The following SPATA17 variants were observed in gnomAD, a reference collection of about 807,000 sequenced individuals.
SPATA17 encodes spermatogenesis associated 17.
In SPATA17, 53 loss-of-function variants were observed where a neutral mutation model predicts 62.2. The observed-to-expected ratio is 0.85, with a 90% CI of 0.68 to 1.07. The LOEUF (loss-of-function observed/expected upper bound fraction) is 1.07. SPATA17 is among the 50% of genes least tolerant of loss of function. The pLI is 0.00. For missense variants in SPATA17, 466 were observed against 425.5 expected (o/e 1.10, Z -0.84); for synonymous variants, 146 against 146.8 (o/e 0.99, Z 0.04).
chr1:217,682,424 T>C (rs1671107918), intron 4 of SPATA17, among the ~76,000 whole-genome samples: 1 of 151,746 alleles, frequency 6.6e-6, no homozygotes, highest in Admixed American at 6.6e-5. Context: ...ATTATTTGAA[T>C]GTCAGCATTG....
At chr1:217,848,279 T>A (rs141432361) in intron 9 of SPATA17, among the ~76,000 whole-genome samples, 1 of 152,168 alleles carries the variant, frequency 6.6e-6, no homozygotes, top group Non-Finnish European at 1.5e-5. Context: ...CACTTTCAGC[T>A]CTTTCATCTT....
chr1:217,694,605 T>C (rs1459829439), intron 5 of SPATA17, among the ~76,000 whole-genome samples: 6 of 148,438 alleles, frequency 4.0e-5, no homozygotes, highest in Non-Finnish European at 7.5e-5. Flanking sequence ...CTTTACATTT[T>C]GGCATGATTT....
intron 3 of SPATA17, among the ~76,000 whole-genome samples, chr1:217,652,083 C>T (rs1670328420): frequency 6.6e-6 from 1 of 152,198 alleles, no homozygotes; most frequent in Non-Finnish European, 1.5e-5. Context: ...GTTGCACTCT[C>T]AAAGCATGGT....
intron 6 of SPATA17, among the ~76,000 whole-genome samples, chr1:217,744,086 A>G (rs926499095): frequency 5.3e-5 from 8 of 152,174 alleles, no homozygotes; most frequent in Admixed American, 1.3e-4. Flanking sequence ...GCCAAACAGT[A>G]TTATAGAGAC....
Position 217,871,503 on chromosome 1 carries a change from G to A in SPATA17, c.*4484G>A, listed in dbSNP as rs1044617523. On this transcript the variant is annotated 3_prime_UTR_variant, in exon 11 of 11. Transcript: ENST00000366933. ...ACTGAATTATATGAACCTATTTGAG[G>A]TAATGATGATGCCTGGGAAGGAGCA... The A allele has an allele frequency of 4.6e-5, 7 of 152,168 alleles. No homozygotes were observed. The East Asian group carries it at 1.4e-3, about 29-fold the overall frequency. The allele number at this position is 152,168 out of a possible 1,614,324, so 9.4% of individuals were successfully genotyped here.
intron 5 of SPATA17, among the ~76,000 whole-genome samples, chr1:217,738,327 A>C (rs1432843622): frequency 6.6e-6 from 1 of 152,184 alleles, no homozygotes; most frequent in Non-Finnish European, 1.5e-5. Context: ...TTCATTCCAC[A>C]AAGTGCACTC....
At chr1:217,688,423 TG>T (rs1671272498) in intron 5 of SPATA17, among the ~76,000 whole-genome samples, 1 of 152,226 alleles carries the variant, frequency 6.6e-6, no homozygotes, top group African/African-American at 2.4e-5. Flanking sequence ...TCTTTTCTTT[TG>T]GTTTTGCCAT....
Position 217,735,338 on chromosome 1 carries a change from TCTC to T in SPATA17, c.396-6634_396-6632del, listed in dbSNP as rs556395709. Among the ~76,000 whole-genome samples, 15 of 152,174 alleles carry T rather than the reference TCTC, an allele frequency of 9.9e-5. No individual in the cohort carries two copies. In the East Asian group the frequency reaches 2.9e-3, roughly 29 times the overall value. On this transcript the variant is annotated intron_variant, in intron 5 of 10. Transcript: ENST00000366933. ...CTTCTTTGTTTGCAGGCAGTTAACT[TCTC>T]CTTGTGTCCTCACAGAGGGAGAGCA... is the stretch of plus-strand genomic sequence containing the variant.
At chr1:217,735,634 G>A (rs1010415508) in intron 5 of SPATA17, among the ~76,000 whole-genome samples, 1 of 152,114 alleles carries the variant, frequency 6.6e-6, no homozygotes, top group Non-Finnish European at 1.5e-5. Flanking sequence ...AGAAATAAAG[G>A]ATTCATAATC....
chr1:217,782,410 C>A (rs1003789399), intron 8 of SPATA17, 88 bp downstream of exon 8: 22 of 1,364,910 alleles, frequency 1.6e-5, no homozygotes, highest in South Asian at 8.9e-5. Context: ...TGTAAAAAAT[C>A]TTTTATTTGT....
chr1:217,819,645 G>A (rs936086625), intron 9 of SPATA17, among the ~76,000 whole-genome samples: 1 of 151,978 alleles, frequency 6.6e-6, no homozygotes, highest in Admixed American at 6.6e-5. Flanking sequence ...ACACCCAAAG[G>A]TTTGCAACAA....
chr1:217,729,706 TA>T (rs1672356593), intron 5 of SPATA17, among the ~76,000 whole-genome samples: 1 of 152,290 alleles, frequency 6.6e-6, no homozygotes, highest in South Asian at 2.1e-4. Context: ...TTCTTTGCCT[TA>T]AAAACAGTCT....
intron 6 of SPATA17, among the ~76,000 whole-genome samples, chr1:217,769,821 A>G (rs887132179): frequency 7.2e-5 from 11 of 152,204 alleles, no homozygotes; most frequent in Admixed American, 4.6e-4. Context: ...TATTGTCTGA[A>G]ATAACTGCTG....
chr1:217,777,422 G>A (rs1673620483), intron 7 of SPATA17, among the ~76,000 whole-genome samples: 1 of 151,864 alleles, frequency 6.6e-6, no homozygotes. Context: ...CTTTTTTTGA[G>A]ATGGTGTCTC....
At chr1:217,703,909 C>T (rs1467555549) in intron 5 of SPATA17, among the ~76,000 whole-genome samples, 6 of 151,926 alleles carry the variant, frequency 3.9e-5, no homozygotes, top group Non-Finnish European at 8.8e-5. Flanking sequence ...TTATTGTCTG[C>T]TGTTAAACTC....
chr1:217,788,839 G>C (rs1367744744), intron 8 of SPATA17, among the ~76,000 whole-genome samples: 2 of 152,180 alleles, frequency 1.3e-5, no homozygotes, highest in African/African-American at 2.4e-5. Context: ...CACCAATTTT[G>C]TGGTGATTTG....
At chr1:217,860,024 G>A (rs960176404) in intron 9 of SPATA17, among the ~76,000 whole-genome samples, 6 of 151,914 alleles carry the variant, frequency 3.9e-5, no homozygotes, top group African/African-American at 1.5e-4. Flanking sequence ...TTCTTTTCTA[G>A]TATATGCATT....
At chr1:217,782,452 C>T (rs1673753261) in intron 8 of SPATA17, 130 bp downstream of exon 8, 6 of 985,472 alleles carry the variant, frequency 6.1e-6, no homozygotes, top group Non-Finnish European at 6.9e-6. Flanking sequence ...TGACCTGTTC[C>T]AAAGCAATAA....
chr1:217,752,489 C>T (rs1415383682), intron 6 of SPATA17, among the ~76,000 whole-genome samples: 1 of 152,132 alleles, frequency 6.6e-6, no homozygotes, highest in Non-Finnish European at 1.5e-5. Flanking sequence ...ACTTCATACT[C>T]TTTGATTGCT....
Sources: allele counts gnomAD v4.1 joint callset (sites outside exome capture counted in the v4.1 genomes callset), GRCh38; gene constraint gnomAD v4.1.1; transcripts MANE v1.5; gene names NCBI Gene and HGNC (gene_info 2026-07-23, HGNC 2026-07-21).